The following CHURC1 variants were observed in gnomAD, a reference collection of about 807,000 sequenced individuals.
CHURC1 encodes protein Churchill.
A neutral mutation model predicts 15.4 loss-of-function variants in CHURC1; 12 were observed. The ratio of observed to expected loss-of-function variants is 0.78; its 90% confidence interval spans 0.50 to 1.27. The LOEUF (loss-of-function observed/expected upper bound fraction) is 1.27, where lower values mean the gene tolerates loss of function less well. Ranked by LOEUF, CHURC1 falls within the 50% of genes most tolerant of loss-of-function variation. The probability of loss-of-function intolerance (pLI) is 0.00; values close to 1 mark genes in which losing one functional copy is unlikely to be tolerated. For missense variants in CHURC1, 132 were observed against 137.8 expected, an observed-to-expected ratio of 0.96 and a Z score of 0.21; for synonymous variants, 42 against 47.5, an observed-to-expected ratio of 0.88 and a Z score of 0.48.
intron 3 of CHURC1, 131 bp downstream of exon 3, chr14:64,926,211 CTT>C (rs3033502): frequency 0.02 from 3,749 of 186,736 alleles, no homozygotes; most frequent in East Asian, 0.037. Flanking sequence ...GAGACTATGC[CTT>C]TTTTTTTTTT....
chr14:64,935,114 CATAG>C lies in CHURC1; in HGVS notation c.*2889_*2892del, dbSNP rs1284404360. On this transcript the variant is annotated 3_prime_UTR_variant, in exon 4 of 4. Coordinates refer to ENST00000549115, the MANE Select transcript of CHURC1 (RefSeq NM_001386928.1). ...AAACCAAACACCACATGTTCTCACT[CATAG>C]ATAGGAATTGAACAATGAGAACACA... 3 of 422,112 alleles carry C rather than the reference CATAG, an allele frequency of 7.1e-6. No individual in the cohort carries two copies. The highest frequency in any genetic ancestry group is 6.6e-5 in the African/African-American group (3 of 45,714). 26.1% of individuals were successfully genotyped at this position (422,112 alleles called of 1,614,324 possible).
At chr14:64,929,632 T>C (rs1472979620) in intron 3 of CHURC1, among the ~76,000 whole-genome samples, 1 of 152,208 alleles carries the variant, frequency 6.6e-6, no homozygotes, top group Non-Finnish European at 1.5e-5. Flanking sequence ...GGCAGAATAG[T>C]GTACTAATGT....
intron 3 of CHURC1, among the ~76,000 whole-genome samples, chr14:64,930,170 T>G (rs1028897000): frequency 6.6e-6 from 1 of 151,922 alleles, no homozygotes; most frequent in African/African-American, 2.4e-5. Context: ...CCCACTCTGC[T>G]CTTCCCTCCA....
At chr14:64,915,342 T>A (rs1883803458) in intron 1 of CHURC1, among the ~76,000 whole-genome samples, 2 of 152,234 alleles carry the variant, frequency 1.3e-5, no homozygotes, top group African/African-American at 4.8e-5. Context: ...CCTTTGGTGC[T>A]GCCTAACAGC....
At chr14:64,922,390 A>G (rs979852512) in intron 1 of CHURC1, among the ~76,000 whole-genome samples, 1 of 151,962 alleles carries the variant, frequency 6.6e-6, no homozygotes, top group Non-Finnish European at 1.5e-5. Flanking sequence ...CATCCTGGCT[A>G]GCATAGTGAA....
At chr14:64,920,185 C>G (rs561040017) in intron 1 of CHURC1, among the ~76,000 whole-genome samples, 3 of 152,238 alleles carry the variant, frequency 2.0e-5, no homozygotes, top group Non-Finnish European at 2.9e-5. Context: ...ATAACATACT[C>G]TCATATTAAT....
chr14:64,924,086 C>T lies in CHURC1; in HGVS notation c.135C>T (p.Ser45=), dbSNP rs543831874. ...ATTTTATGCTGATCACAAACAAATCCTTGAAAGAAGAAGATGGAGAAGAAA... is the reference window on the plus strand; with the variant it reads ...ATTTTATGCTGATCACAAACAAATCTTTGAAAGAAGAAGATGGAGAAGAAA... The part of the protein sequence containing the change: ...KRDFMLITNK[S]LKEEDGEEIV... The change falls in exon 2 of 4, where the codon TCC becomes TCT. Residue 45 remains serine (S), a synonymous_variant. Coordinates refer to ENST00000549115, the MANE Select transcript of CHURC1 (RefSeq NM_001386928.1). The T allele has an allele frequency of 2.5e-6, 4 of 1,608,192 alleles. No individual in the cohort carries two copies. In the East Asian group the frequency reaches 9.0e-5, roughly 36 times the overall value.
At chr14:64,915,595 C>G (rs1883828070) in intron 1 of CHURC1, among the ~76,000 whole-genome samples, 1 of 152,270 alleles carries the variant, frequency 6.6e-6, no homozygotes. Context: ...GGGAGAAAGT[C>G]TCTGTAGTTC....
chr14:64,922,096 G>A (rs936805507), intron 1 of CHURC1, among the ~76,000 whole-genome samples: 12 of 152,158 alleles, frequency 7.9e-5, no homozygotes, highest in Admixed American at 2.0e-4. Flanking sequence ...TGTCTGGGGT[G>A]GGATGGAGGT....
intron 3 of CHURC1, among the ~76,000 whole-genome samples, chr14:64,926,676 CTCTGCAGTCTCA>C: frequency 6.6e-6 from 1 of 152,304 alleles, no homozygotes; most frequent in South Asian, 2.1e-4. Flanking sequence ...AGTTGAACAA[CTCTGCAGTCTCA>C]TTTGTGGTAA....
At chr14:64,917,308 A>T (rs1360948481) in intron 1 of CHURC1, among the ~76,000 whole-genome samples, 2 of 152,198 alleles carry the variant, frequency 1.3e-5, no homozygotes, top group Non-Finnish European at 1.5e-5. Context: ...CACGCCTATA[A>T]TCCCAGCACT....
intron 1 of CHURC1, among the ~76,000 whole-genome samples, chr14:64,919,709 C>G (rs1354196917): frequency 6.6e-6 from 1 of 151,790 alleles, no homozygotes; most frequent in Non-Finnish European, 1.5e-5. Context: ...ATGGTGAAAC[C>G]CTGTTTCTAC....
chr14:64,932,329 ATAT>A lies in CHURC1; in HGVS notation c.*101_*103del. 6.5e-7 allele frequency: 1 copy of A among 1,530,370 alleles called. No homozygotes were observed. Among genetic ancestry groups the A allele is most frequent in the Non-Finnish European group, 8.8e-7 (1 of 1,136,082 alleles). The allele number at this position is 1,530,370 out of a possible 1,614,324, so 94.8% of individuals were successfully genotyped here. A position where few individuals can be genotyped will look rare whatever the true frequency, so the allele number is the denominator to read the frequency against. On this transcript the variant is annotated 3_prime_UTR_variant, in exon 4 of 4. Coordinates refer to ENST00000549115, the MANE Select transcript of CHURC1 (RefSeq NM_001386928.1). ...TTCATTCATACTGAAAATTCTTTGC[ATAT>A]TTTTTTTCTGCTTAGACTTACTTAT...
intron 3 of CHURC1, 117 bp downstream of exon 3, chr14:64,926,197 A>G: frequency 1.7e-6 from 1 of 575,762 alleles, no homozygotes; most frequent in South Asian, 4.1e-5. Context: ...AGCATATATT[A>G]AAGGAGACTA....
chr14:64,923,852 T>A, intron 1 of CHURC1, 139 bp from the exon 2 acceptor site: 1 of 685,484 alleles, frequency 1.5e-6, no homozygotes, highest in Non-Finnish European at 2.0e-6. Flanking sequence ...ATTTCAAAAA[T>A]TATTTGGTAT....
At chr14:64,928,270 CAAG>C (rs1884861951) in intron 3 of CHURC1, among the ~76,000 whole-genome samples, 1 of 152,116 alleles carries the variant, frequency 6.6e-6, no homozygotes, top group South Asian at 2.1e-4. Context: ...TTTGTTGCAA[CAAG>C]GTCTTACTCT....
At position 64,932,731 on chromosome 14, in the gene CHURC1, CAAAAT is replaced by C. The variant is rs1429316949; in HGVS notation, c.*505_*509del. 1 of 152,148 alleles carries C rather than the reference CAAAAT, an allele frequency of 6.6e-6. No homozygotes were observed. The highest frequency in any genetic ancestry group is 1.9e-4 in the East Asian group (1 of 5,190). 9.4% of individuals were successfully genotyped at this position (152,148 alleles called of 1,614,324 possible). ...GCCACAGCTGGAGCAATTTGAGTAACAAAATAAAGTAGTATTGGGTTATAACCCAA... is the reference window on the plus strand; with the variant it reads ...GCCACAGCTGGAGCAATTTGAGTAACAAAGTAGTATTGGGTTATAACCCAA... On this transcript the variant is annotated 3_prime_UTR_variant, in exon 4 of 4. Transcript: ENST00000549115.
At chr14:64,920,027 C>A (rs1014684754) in intron 1 of CHURC1, among the ~76,000 whole-genome samples, 1 of 151,964 alleles carries the variant, frequency 6.6e-6, no homozygotes, top group Non-Finnish European at 1.5e-5. Flanking sequence ...AAAATTGGTT[C>A]TTTAAGAAAA....
At chr14:64,917,890 C>CA (rs1301103062) in intron 1 of CHURC1, among the ~76,000 whole-genome samples, 1 of 152,126 alleles carries the variant, frequency 6.6e-6, no homozygotes, top group East Asian at 1.9e-4. Context: ...AAATTGGGGA[C>CA]AAATGGTCAA....
Sources: gnomAD v4.1 joint callset for allele counts (sites outside exome capture counted in the v4.1 genomes callset) on GRCh38, gnomAD v4.1.1 for gene constraint, MANE v1.5 for transcripts, NCBI Gene and HGNC (gene_info 2026-07-23, HGNC 2026-07-21) for gene names.